ERMAP: variants seen among roughly 807,000 people sequenced by gnomAD.
ERMAP encodes erythroblast membrane associated protein (Scianna blood group).
In ERMAP, 34 loss-of-function variants were observed where a neutral mutation model predicts 49.5. The ratio of observed to expected loss-of-function variants is 0.69; its 90% confidence interval spans 0.52 to 0.91. The LOEUF (loss-of-function observed/expected upper bound fraction) is 0.91. ERMAP is among the 40% of genes least tolerant of loss of function. The probability of loss-of-function intolerance (pLI) is 0.00; values close to 1 mark genes in which losing one functional copy is unlikely to be tolerated. For missense variants in ERMAP, 541 were observed against 582.6 expected (o/e 0.93, Z 0.74); for synonymous variants, 214 against 232.2 (o/e 0.92, Z 0.71).
Position 42,842,631 on chromosome 1 carries a change from T to C in ERMAP, c.827T>C (p.Phe276Ser). ...RQPVPDNPQR[F>S]DFVVSILGSE... ...CCTGTACCTGACAACCCCCAGAGAT[T>C]TGATTTCGTTGTCAGCATCCTAGGC... is the stretch of plus-strand genomic sequence containing the variant. The change falls in exon 12 of 12, where the codon TTT becomes TCT. Residue 276 changes from phenylalanine to serine, a missense_variant. Phe to Ser is a radical substitution (Grantham distance 155). Coordinates refer to ENST00000372517, the MANE Select transcript of ERMAP (RefSeq NM_001017922.2). 2 of 1,614,138 alleles carry C rather than the reference T, an allele frequency of 1.2e-6. No individual in the cohort carries two copies. The highest frequency in any genetic ancestry group is 1.7e-6 in the Non-Finnish European group (2 of 1,180,020).
Position 42,839,213 on chromosome 1 carries a change from A to G in ERMAP, c.637+292A>G, listed in dbSNP as rs1249439591. 5.7e-6 allele frequency: 3 copies of G among 530,574 alleles called. No individual in the cohort carries two copies. The East Asian group carries it at 9.2e-5, about 16-fold the overall frequency. 32.9% of individuals were successfully genotyped at this position (530,574 alleles called of 1,614,324 possible). A position where few individuals can be genotyped will look rare whatever the true frequency, so the allele number is the denominator to read the frequency against. ...AAGTCCCTTTTATCACCCAGGCATG[A>G]CATTTCCTTAGATGGGGTCCAGGAG... On this transcript the variant is annotated intron_variant, in intron 8 of 11. Coordinates refer to ENST00000372517, the MANE Select transcript of ERMAP (RefSeq NM_001017922.2).
chr1:42,843,274 C>A lies in ERMAP; in HGVS notation c.*42C>A. On this transcript the variant is annotated 3_prime_UTR_variant, in exon 12 of 12. Transcript: ENST00000372517. ...CTGCTCCCATCACCATCCAGCCCAG[C>A]ACCCTGGACTTCAGTCGCCTGGCCC... 1 of 1,448,052 alleles carries A rather than the reference C, an allele frequency of 6.9e-7. No homozygotes were observed. The highest frequency in any genetic ancestry group is 9.3e-7 in the Non-Finnish European group (1 of 1,074,022). 89.7% of individuals were successfully genotyped at this position (1,448,052 alleles called of 1,614,324 possible).
intron 2 of ERMAP, among the ~76,000 whole-genome samples, chr1:42,826,087 C>T (rs1445447067): frequency 6.6e-6 from 1 of 152,148 alleles, no homozygotes; most frequent in African/African-American, 2.4e-5. Context: ...GTCAAGAGAA[C>T]ATCTGTTACA....
chr1:42,830,669 C>G, intron 3 of ERMAP, 99 bp from the exon 4 acceptor site: 1 of 1,416,550 alleles, frequency 7.1e-7, no homozygotes, highest in Non-Finnish European at 9.6e-7. Context: ...CAGAGTCCTT[C>G]CTGGGCTCTG....
intron 2 of ERMAP, among the ~76,000 whole-genome samples, chr1:42,827,057 T>G (rs892309457): frequency 2.0e-5 from 3 of 152,232 alleles, no homozygotes; most frequent in African/African-American, 7.2e-5. Context: ...TCTAAAATTC[T>G]ATGTCCATGA....
chr1:42,830,689 G>A lies in ERMAP; in HGVS notation c.86-79G>A, dbSNP rs879081760. ...TCCTTCCTGGGCTCTGTCCGTCCCC[G>A]GGATATCCTCTTCCTCATCCCTTCC... On this transcript the variant is annotated intron_variant, in intron 3 of 11. Coordinates refer to ENST00000372517, the MANE Select transcript of ERMAP (RefSeq NM_001017922.2). 2.8e-4 allele frequency: 402 copies of A among 1,435,278 alleles called. 1 individual carries two copies. The highest frequency in any genetic ancestry group is 3.2e-4 in the Non-Finnish European group (343 of 1,071,672). The allele number at this position is 1,435,278 out of a possible 1,614,324, so 88.9% of individuals were successfully genotyped here. A position where few individuals can be genotyped will look rare whatever the true frequency, so the allele number is the denominator to read the frequency against.
At chr1:42,837,810 C>T (rs1296322677) in intron 7 of ERMAP, 3 of 152,382 alleles carry the variant, frequency 2.0e-5, no homozygotes, top group African/African-American at 7.2e-5. Context: ...TTGTTGAAGT[C>T]TATCTGGGAA....
Position 42,819,267 on chromosome 1 carries a change from T to C in ERMAP, c.-122+2014T>C, listed in dbSNP as rs113107260. Reference sequence around the variant, plus strand: ...AGCTAGATTACGCTTCAAGTGGCAATAGGCAAGAAGAATTGTCCAGTGAGC... The same window carrying C: ...AGCTAGATTACGCTTCAAGTGGCAACAGGCAAGAAGAATTGTCCAGTGAGC... On this transcript the variant is annotated intron_variant, in intron 1 of 11. Coordinates refer to ENST00000372517, the MANE Select transcript of ERMAP (RefSeq NM_001017922.2). The surrounding 1 kb of genome is among the most constrained non-coding windows in gnomAD (Gnocchi z 5.1). Among the ~76,000 whole-genome samples the C allele has an allele frequency of 5.3e-5, 8 of 151,184 alleles. No homozygotes were observed. Among genetic ancestry groups the C allele is most frequent in the Admixed American group, 2.6e-4 (4 of 15,158 alleles).
intron 4 of ERMAP, chr1:42,834,603 T>C: frequency 3.7e-6 from 1 of 271,360 alleles, no homozygotes; most frequent in Non-Finnish European, 7.1e-6. Context: ...TCACCCAGGC[T>C]GGAGTACAAT....
At chr1:42,832,505 T>G (rs1654775695) in intron 4 of ERMAP, among the ~76,000 whole-genome samples, 1 of 152,122 alleles carries the variant, frequency 6.6e-6, no homozygotes, top group African/African-American at 2.4e-5. Context: ...GTAGCTGGAT[T>G]ACAGGCATGT....
chr1:42,831,592 T>TTTG (rs1654743525), intron 4 of ERMAP, among the ~76,000 whole-genome samples: 1 of 145,572 alleles, frequency 6.9e-6, no homozygotes, highest in African/African-American at 2.6e-5. Flanking sequence ...TTTTTTTTTT[T>TTTG]TTTTGTTTTG....
intron 2 of ERMAP, 70 bp downstream of exon 2, chr1:42,825,808 G>T: frequency 7.8e-7 from 1 of 1,281,784 alleles, no homozygotes; most frequent in Non-Finnish European, 1.0e-6. Context: ...GTTTAGTAGA[G>T]AAATAATCCC....
chr1:42,829,022 A>G (rs1180137832), intron 2 of ERMAP, among the ~76,000 whole-genome samples: 2 of 152,206 alleles, frequency 1.3e-5, no homozygotes, highest in Admixed American at 1.3e-4. Flanking sequence ...ACCTTCAACC[A>G]TAATTGATAA....
intron 7 of ERMAP, 114 bp downstream of exon 7, chr1:42,837,304 C>A: frequency 9.1e-7 from 1 of 1,099,184 alleles, no homozygotes; most frequent in Non-Finnish European, 1.3e-6. Flanking sequence ...TACACACATG[C>A]ACACATATAT....
chr1:42,829,713 G>A (rs1240498730), intron 2 of ERMAP, among the ~76,000 whole-genome samples: 1 of 152,200 alleles, frequency 6.6e-6, no homozygotes, highest in Non-Finnish European at 1.5e-5. Context: ...TGTGGCCAGT[G>A]CTTGGCAGGC....
chr1:42,826,736 G>A (rs964784693), intron 2 of ERMAP, among the ~76,000 whole-genome samples: 7 of 151,908 alleles, frequency 4.6e-5, no homozygotes, highest in Admixed American at 4.6e-4. Context: ...TGCGCCTGTA[G>A]TCCCAGGTAC....
intron 8 of ERMAP, 87 bp from the exon 9 acceptor site, chr1:42,839,946 C>T (rs571787831): frequency 3.0e-6 from 4 of 1,329,828 alleles, no homozygotes; most frequent in South Asian, 1.2e-5. Context: ...TCTGTCTGCT[C>T]ATGGTTGGGA....
intron 11 of ERMAP, chr1:42,842,003 G>A (rs1655069389): frequency 6.3e-6 from 1 of 158,136 alleles, no homozygotes; most frequent in Non-Finnish European, 1.4e-5. Context: ...ATAGTATGGT[G>A]ATAGTTGCTT....
Position 42,842,954 on chromosome 1 carries a change from A to AC in ERMAP, c.1153dup (p.His385ProfsTer12), listed in dbSNP as rs1557615633. ...CAACAAGTCCCACATCTTTACTTTC[A>AC]CCCACAATTTCTCTGGCCCCCTTCG... On this transcript the variant is annotated frameshift_variant, in exon 12 of 12. Coordinates refer to ENST00000372517, the MANE Select transcript of ERMAP (RefSeq NM_001017922.2). LOFTEE classifies it high-confidence loss of function. The AC allele has an allele frequency of 3.1e-6, 5 of 1,613,952 alleles. No individual in the cohort carries two copies. Among genetic ancestry groups the AC allele is most frequent in the Non-Finnish European group, 4.2e-6 (5 of 1,180,002 alleles).
Sources: allele counts gnomAD v4.1 joint callset (sites outside exome capture counted in the v4.1 genomes callset), GRCh38; gene constraint gnomAD v4.1.1; non-coding constraint Gnocchi (gnomAD v3.1); transcripts MANE v1.5; gene names NCBI Gene and HGNC (gene_info 2026-07-23, HGNC 2026-07-21).